SYNPR: variants seen among roughly 807,000 people sequenced by gnomAD.
SYNPR encodes the protein synaptoporin.
A neutral mutation model predicts 32.9 loss-of-function variants in SYNPR; 23 were observed. The ratio of observed to expected loss-of-function variants is 0.70; its 90% CI spans 0.50 to 0.99. The LOEUF is 0.99. Among genes scored for constraint, SYNPR ranks in the 50% least tolerant of loss-of-function variants. The pLI is 0.00. For synonymous variants in SYNPR, 146 were observed against 135.9 expected (o/e 1.07, Z -0.52); for missense variants, 318 against 349.3 (o/e 0.91, Z 0.71).
At chr3:63,555,121 T>G (rs1702572858) in intron 3 of SYNPR, among the ~76,000 whole-genome samples, 1 of 151,964 alleles carries the variant, frequency 6.6e-6, no homozygotes, top group Non-Finnish European at 1.5e-5. Flanking sequence ...GCAGATTATT[T>G]AGAATTTTCT....
chr3:63,595,128 C>T (rs1180918172), intron 4 of SYNPR, among the ~76,000 whole-genome samples: 2 of 152,142 alleles, frequency 1.3e-5, no homozygotes, highest in Non-Finnish European at 2.9e-5. Context: ...TACCCTGAGT[C>T]CTTGGCTTAT....
chr3:63,383,010 A>G lies in SYNPR; in HGVS notation c.85-97822A>G, dbSNP rs79864720. Among the ~76,000 whole-genome samples the G allele has an allele frequency of 6.0e-3, 921 of 152,336 alleles. 9 individuals are homozygous for G. The highest frequency in any genetic ancestry group is 0.021 in the African/African-American group (880 of 41,574). ...AGAGACTTGATTTACTTCAGGTTTA[A>G]TTCTTTACAAGATTATTTTATGGAA... is the stretch of plus-strand genomic sequence containing the variant. On this transcript the variant is annotated intron_variant, in intron 2 of 5. Transcript: ENST00000478300.
At chr3:63,244,811 C>A (rs2086272747) in intron 1 of SYNPR, among the ~76,000 whole-genome samples, 1 of 152,052 alleles carries the variant, frequency 6.6e-6, no homozygotes, top group African/African-American at 2.4e-5. Flanking sequence ...TCGCTGTCTG[C>A]ACGGCTTTTC....
chr3:63,421,811 C>T (rs555942894), intron 2 of SYNPR, among the ~76,000 whole-genome samples: 1 of 152,348 alleles, frequency 6.6e-6, no homozygotes, highest in South Asian at 2.1e-4. Context: ...CACACTCCTA[C>T]AGGCCCTGCC....
At chr3:63,207,474 C>T in the SYNPR span, among the ~76,000 whole-genome samples, 1 of 152,192 alleles carries the variant, frequency 6.6e-6, no homozygotes, top group African/African-American at 2.4e-5. Context: ...ACATTTGTCA[C>T]TAACATGATT....
At chr3:63,227,881 G>C (rs11922540), upstream of SYNPR, among the ~76,000 whole-genome samples, 6 of 152,140 alleles carry the variant, frequency 3.9e-5, no homozygotes, top group Non-Finnish European at 7.4e-5. Flanking sequence ...AACTGAGCTC[G>C]TGCTGTCACA....
chr3:63,431,071 C>G (rs1449429268), intron 2 of SYNPR, among the ~76,000 whole-genome samples: 1 of 152,162 alleles, frequency 6.6e-6, no homozygotes, highest in African/African-American at 2.4e-5. Context: ...CTGTTGCTTC[C>G]TGGGCAGCAG....
chr3:63,231,313 C>A (rs2086164972), intron 1 of SYNPR, among the ~76,000 whole-genome samples: 1 of 152,048 alleles, frequency 6.6e-6, no homozygotes, highest in Non-Finnish European at 1.5e-5. Context: ...ATAATCGACT[C>A]TGGGGACTGG....
At chr3:63,333,937 A>G (rs189651367) in intron 2 of SYNPR, among the ~76,000 whole-genome samples, 1 of 152,252 alleles carries the variant, frequency 6.6e-6, no homozygotes. Context: ...GTTTCTAAAC[A>G]AACTGTATTA....
At chr3:63,224,840 A>G (rs1197355091), upstream of SYNPR, among the ~76,000 whole-genome samples, 1 of 152,158 alleles carries the variant, frequency 6.6e-6, no homozygotes, top group Non-Finnish European at 1.5e-5. Flanking sequence ...CAGCATTTTG[A>G]GCAACAGAGT....
At chr3:63,343,606 C>G (rs999611283) in intron 2 of SYNPR, among the ~76,000 whole-genome samples, 2 of 152,198 alleles carry the variant, frequency 1.3e-5, no homozygotes, top group Admixed American at 1.3e-4. Flanking sequence ...TTCAGACCAT[C>G]TAAGTCCATG....
At chr3:63,381,353 G>T (rs575649336) in intron 2 of SYNPR, among the ~76,000 whole-genome samples, 1 of 152,292 alleles carries the variant, frequency 6.6e-6, no homozygotes, top group Admixed American at 6.5e-5. Flanking sequence ...CAAGGGATGT[G>T]AAGGACCTCT....
chr3:63,593,126 G>A (rs967837327), intron 4 of SYNPR, among the ~76,000 whole-genome samples: 1 of 152,054 alleles, frequency 6.6e-6, no homozygotes, highest in African/African-American at 2.4e-5. Context: ...AATAATGAAT[G>A]TAGAGGGCTT....
intron 2 of SYNPR, among the ~76,000 whole-genome samples, chr3:63,425,996 C>T (rs930580242): frequency 3.3e-5 from 5 of 151,834 alleles, no homozygotes; most frequent in East Asian, 1.9e-4. Flanking sequence ...TATATTGGCC[C>T]GGCTGGTCTT....
chr3:63,490,620 T>C (rs932516086), intron 3 of SYNPR, among the ~76,000 whole-genome samples: 6 of 152,130 alleles, frequency 3.9e-5, no homozygotes, highest in African/African-American at 1.2e-4. Flanking sequence ...AGTCCAGTCC[T>C]GTTCATTAGT....
chr3:63,282,907 A>G (rs2086643333), intron 2 of SYNPR, among the ~76,000 whole-genome samples: 1 of 152,234 alleles, frequency 6.6e-6, no homozygotes, highest in Admixed American at 6.5e-5. Context: ...GTATTTGCAC[A>G]AATAAAAAAT....
chr3:63,499,331 T>A (rs1228615374), intron 3 of SYNPR, among the ~76,000 whole-genome samples: 1 of 152,192 alleles, frequency 6.6e-6, no homozygotes, highest in East Asian at 1.9e-4. Flanking sequence ...TTTGGACATG[T>A]AAATCTGTGA....
At chr3:63,295,448 C>G (rs746996802) in intron 2 of SYNPR, among the ~76,000 whole-genome samples, 4 of 152,114 alleles carry the variant, frequency 2.6e-5, no homozygotes, top group Non-Finnish European at 5.9e-5. Context: ...AAAAAAAGAC[C>G]CTCCGTGGTT....
At chr3:63,261,418 G>T (rs2086436786) in intron 2 of SYNPR, among the ~76,000 whole-genome samples, 1 of 151,536 alleles carries the variant, frequency 6.6e-6, no homozygotes, top group South Asian at 2.1e-4. Context: ...CCTTTGTAGG[G>T]ACATGGATGA....
Sources: allele counts gnomAD v4.1 joint callset (sites outside exome capture counted in the v4.1 genomes callset), GRCh38; gene constraint gnomAD v4.1.1; transcripts MANE v1.5; gene names NCBI Gene and HGNC (gene_info 2026-07-23, HGNC 2026-07-21).